CACNB4: variants seen among roughly 807,000 people sequenced by gnomAD.
The protein encoded by CACNB4 is voltage-dependent L-type calcium channel subunit beta-4.
CACNB4 carries 32 observed loss-of-function variants against 71.2 expected under a neutral mutation model. The observed-to-expected ratio is 0.45, with a 90% CI of 0.34 to 0.60. The LOEUF is 0.60. Among genes scored for constraint, CACNB4 ranks in the 20% least tolerant of loss-of-function variants. The pLI is 0.01. For missense variants in CACNB4, 464 were observed against 647.9 expected, an observed-to-expected ratio of 0.72 and a Z score of 3.08; for synonymous variants, 231 against 236.9, an observed-to-expected ratio of 0.97 and a Z score of 0.23.
intron 4 of CACNB4, among the ~76,000 whole-genome samples, chr2:151,877,284 C>T (rs924793672): frequency 6.6e-6 from 1 of 152,056 alleles, no homozygotes; most frequent in African/African-American, 2.4e-5. Context: ...TGAAAGCAGC[C>T]ACAGACAAAC....
At chr2:151,920,996 C>G (rs1485805414) in intron 2 of CACNB4, among the ~76,000 whole-genome samples, 2 of 151,906 alleles carry the variant, frequency 1.3e-5, no homozygotes, top group Non-Finnish European at 2.9e-5. Flanking sequence ...AAGAAATTAG[C>G]TGGGCATGGT....
chr2:151,993,329 G>A (rs1003884783), intron 2 of CACNB4, among the ~76,000 whole-genome samples: 4 of 152,050 alleles, frequency 2.6e-5, no homozygotes, highest in Non-Finnish European at 4.4e-5. Context: ...TTCAGGGACA[G>A]GAAATAGGAG....
Position 151,855,087 on chromosome 2 carries a change from C to T in CACNB4, c.1020+137G>A, listed in dbSNP as rs2099839941. On this transcript the variant is annotated intron_variant, in intron 11 of 13. Transcript: ENST00000539935. ...TATCTGAAAATTCATAGAATCTGTACACTGTGGAAAGATTTTAAATGTGCT... is the reference window on the plus strand; with the variant it reads ...TATCTGAAAATTCATAGAATCTGTATACTGTGGAAAGATTTTAAATGTGCT... The T allele has an allele frequency of 1.9e-5, 10 of 520,428 alleles. No homozygotes were observed. In the South Asian group the frequency reaches 3.7e-4, roughly 19 times the overall value. The allele number at this position is 520,428 out of a possible 1,614,324, so 32.2% of individuals were successfully genotyped here.
intron 2 of CACNB4, among the ~76,000 whole-genome samples, chr2:152,041,487 A>T (rs1012602964): frequency 6.6e-6 from 1 of 152,218 alleles, no homozygotes; most frequent in African/African-American, 2.4e-5. Context: ...GGGAAGAAAC[A>T]TGAAGGTAGG....
chr2:151,971,429 T>G, intron 2 of CACNB4: 2 of 696,284 alleles, frequency 2.9e-6, no homozygotes, highest in Non-Finnish European at 5.2e-6. Flanking sequence ...TACTCAGCTT[T>G]TAGTGCCTAT....
Position 152,080,158 on chromosome 2 carries a change from G to C in CACNB4, c.147+18172C>G, listed in dbSNP as rs971160269. Reference sequence around the variant, plus strand: ...TTTTTTTGAGGCGGAGTCTCGCTCTGTCGCCCAGGCTGGAGTGCAGTGGCA... The same window carrying C: ...TTTTTTTGAGGCGGAGTCTCGCTCTCTCGCCCAGGCTGGAGTGCAGTGGCA... On this transcript the variant is annotated intron_variant, in intron 2 of 13. Transcript: ENST00000539935. Among the ~76,000 whole-genome samples the C allele has an allele frequency of 9.9e-5, 15 of 151,044 alleles. No homozygotes were observed. In the East Asian group the frequency reaches 2.7e-3, roughly 27 times the overall value.
At chr2:151,884,441 G>A (rs1358239072) in intron 2 of CACNB4, among the ~76,000 whole-genome samples, 1 of 147,946 alleles carries the variant, frequency 6.8e-6, no homozygotes, top group Non-Finnish European at 1.5e-5. Flanking sequence ...GGCTAACATG[G>A]TGAAATCCCG....
At chr2:152,096,048 C>A (rs1036731067) in intron 2 of CACNB4, among the ~76,000 whole-genome samples, 10 of 152,144 alleles carry the variant, frequency 6.6e-5, no homozygotes, top group African/African-American at 2.2e-4. Context: ...TATTGTTAAA[C>A]TGCATTTGTA....
intron 2 of CACNB4, among the ~76,000 whole-genome samples, chr2:152,017,305 C>T (rs1683397495): frequency 6.7e-6 from 1 of 150,044 alleles, no homozygotes; most frequent in Admixed American, 6.6e-5. Context: ...TTCTGCAGAC[C>T]ACATTTGAAA....
At chr2:151,904,252 A>C (rs1479103898) in intron 2 of CACNB4, among the ~76,000 whole-genome samples, 2 of 152,210 alleles carry the variant, frequency 1.3e-5, no homozygotes, top group Non-Finnish European at 2.9e-5. Context: ...TTTACTAAAG[A>C]TTCAAATCCT....
chr2:152,089,007 G>T (rs1211087766), intron 2 of CACNB4, among the ~76,000 whole-genome samples: 1 of 152,146 alleles, frequency 6.6e-6, no homozygotes, highest in African/African-American at 2.4e-5. Context: ...CCTTAAAATT[G>T]AATCTATAAT....
intron 13 of CACNB4, chr2:151,841,595 A>C: frequency 3.5e-6 from 1 of 285,840 alleles, no homozygotes; most frequent in South Asian, 4.1e-5. Context: ...CTCTAAAAAA[A>C]AGTAATGGGC....
chr2:151,953,499 C>CT (rs1267161015), intron 2 of CACNB4, among the ~76,000 whole-genome samples: 1 of 152,152 alleles, frequency 6.6e-6, no homozygotes, highest in African/African-American at 2.4e-5. Flanking sequence ...AATCATATGA[C>CT]TTTTTTTATG....
chr2:151,939,886 T>C (rs1475212637), intron 2 of CACNB4, among the ~76,000 whole-genome samples: 1 of 152,078 alleles, frequency 6.6e-6, no homozygotes, highest in African/African-American at 2.4e-5. Flanking sequence ...TGGAAAAAAA[T>C]GATTTCATAT....
chr2:152,060,288 T>G (rs6722774), intron 2 of CACNB4, among the ~76,000 whole-genome samples: 37,932 of 152,126 alleles, frequency 0.25, 4,962 homozygotes, highest in Middle Eastern at 0.43. Context: ...ATTCAGTAAA[T>G]GTTTGCTGAA....
At chr2:151,919,099 G>T (rs1424278026) in intron 2 of CACNB4, among the ~76,000 whole-genome samples, 2 of 152,170 alleles carry the variant, frequency 1.3e-5, no homozygotes, top group African/African-American at 4.8e-5. Flanking sequence ...CTCAGGAGGG[G>T]TGTTTCAAAG....
At chr2:151,976,433 TAGAG>T (rs1282998481) in intron 2 of CACNB4, among the ~76,000 whole-genome samples, 8 of 152,186 alleles carry the variant, frequency 5.3e-5, no homozygotes, top group Non-Finnish European at 8.8e-5. Flanking sequence ...TTTGGTGAAA[TAGAG>T]AGAAGTCACT....
chr2:151,853,896 T>C (rs1314191700), intron 11 of CACNB4: 1 of 160,410 alleles, frequency 6.2e-6, no homozygotes, highest in Non-Finnish European at 1.4e-5. Context: ...ACCTGAATAA[T>C]GTTTTAGCTC....
intron 2 of CACNB4, among the ~76,000 whole-genome samples, chr2:152,077,641 G>A (rs1438534521): frequency 6.6e-6 from 1 of 152,206 alleles, no homozygotes; most frequent in African/African-American, 2.4e-5. Context: ...GGAGGCAGGA[G>A]AAACGCCTGA....
Sources: gnomAD v4.1 joint callset for allele counts (sites outside exome capture counted in the v4.1 genomes callset) on GRCh38, gnomAD v4.1.1 for gene constraint, MANE v1.5 for transcripts, NCBI Gene and HGNC (gene_info 2026-07-23, HGNC 2026-07-21) for gene names.